The following TASP1 variants were observed in gnomAD, a reference collection of about 807,000 sequenced individuals.
TASP1 encodes taspase 1.
Under a neutral mutation model 56.6 loss-of-function variants are expected in TASP1, and 16 were observed. The ratio of observed to expected loss-of-function variants is 0.28; its 90% confidence interval spans 0.19 to 0.43. The LOEUF is 0.43. Among genes scored for constraint, TASP1 ranks in the 20% least tolerant of loss-of-function variants. The pLI is 1.00. For missense variants in TASP1, 393 were observed against 511.6 expected (o/e 0.77, Z 2.24); for synonymous variants, 179 against 184.2 (o/e 0.97, Z 0.23).
At chr20:13,556,783 T>C (rs2046173524) in intron 8 of TASP1, among the ~76,000 whole-genome samples, 1 of 152,336 alleles carries the variant, frequency 6.6e-6, no homozygotes, top group Non-Finnish European at 1.5e-5. Flanking sequence ...AGATGTCACC[T>C]CAAATGTTAT....
At chr20:13,619,750 C>G (rs886177720) in intron 4 of TASP1, among the ~76,000 whole-genome samples, 10 of 152,312 alleles carry the variant, frequency 6.6e-5, no homozygotes, top group African/African-American at 2.4e-4. Context: ...TATTAATCTT[C>G]TCTGCTGTGA....
At chr20:13,384,503 A>G (rs980919037), downstream of TASP1, among the ~76,000 whole-genome samples, 11 of 149,528 alleles carry the variant, frequency 7.4e-5, no homozygotes, top group African/African-American at 2.0e-4. Context: ...AGCATGGGGG[A>G]AAAAAAAAAG....
chr20:13,469,279 G>A (rs1315271302), intron 11 of TASP1, among the ~76,000 whole-genome samples: 1 of 152,110 alleles, frequency 6.6e-6, no homozygotes, highest in African/African-American at 2.4e-5. Flanking sequence ...CACATCTGTG[G>A]TAGATACAAT....
At chr20:13,294,565 G>A in the TASP1 span, among the ~76,000 whole-genome samples, 3 of 152,290 alleles carry the variant, frequency 2.0e-5, no homozygotes, top group South Asian at 6.2e-4. Flanking sequence ...GGACACCAGA[G>A]CTGAGTAGAC....
the TASP1 span, among the ~76,000 whole-genome samples, chr20:13,180,109 A>G: frequency 6.6e-6 from 1 of 152,202 alleles, no homozygotes; most frequent in Non-Finnish European, 1.5e-5. Flanking sequence ...GGACCTGGAC[A>G]CTCATAAGAG....
At chr20:13,498,866 A>C (rs2043837930) in intron 10 of TASP1, among the ~76,000 whole-genome samples, 1 of 152,106 alleles carries the variant, frequency 6.6e-6, no homozygotes, top group Non-Finnish European at 1.5e-5. Context: ...GTTGGTGGGA[A>C]TATAAATTAG....
intron 8 of TASP1, 144 bp from the exon 9 acceptor site, chr20:13,534,285 A>C: frequency 3.0e-6 from 3 of 1,012,116 alleles, no homozygotes; most frequent in Non-Finnish European, 2.7e-6. Context: ...TCCTAAAATT[A>C]TCTATTATCA....
the TASP1 span, chr20:13,288,453 G>A: frequency 7.1e-7 from 1 of 1,404,216 alleles, no homozygotes; most frequent in South Asian, 1.3e-5. Flanking sequence ...GAGAAGGATA[G>A]AAGTGAATAA....
chr20:13,321,253 T>TAAAAAAAAAAAAAAAAAAAAA, the TASP1 span, among the ~76,000 whole-genome samples: 155 of 57,500 alleles, frequency 2.7e-3, 4 homozygotes, highest in Non-Finnish European at 3.9e-3. Context: ...GTGCCCCACA[T>TAAAAAAAAAAAAAAAAAAAAA]AAAAAAAAAA....
rs188566142 is a variant in TASP1, at chr20:13,558,922, G to A, written c.675+86C>T. On this transcript the variant is annotated intron_variant, in intron 8 of 13. Transcript: ENST00000337743. Reference sequence around the variant, plus strand: ...ATGTGACACACATTCTATTTCTACTGAATTGTATCGTCCTAAAGCTTGTAT... The same window carrying A: ...ATGTGACACACATTCTATTTCTACTAAATTGTATCGTCCTAAAGCTTGTAT... The A allele has an allele frequency of 1.0e-3, 812 of 775,154 alleles. 3 individuals carry two copies. Among genetic ancestry groups the A allele is most frequent in the Non-Finnish European group, 1.4e-3 (696 of 513,704 alleles). 48.0% of individuals were successfully genotyped at this position (775,154 alleles called of 1,614,324 possible).
chr20:13,185,623 T>C, the TASP1 span, among the ~76,000 whole-genome samples: 2 of 152,206 alleles, frequency 1.3e-5, no homozygotes, highest in African/African-American at 4.8e-5. Flanking sequence ...TGATTCCATG[T>C]GACTCCATTG....
chr20:13,383,501 C>G, the TASP1 span, among the ~76,000 whole-genome samples: 1 of 152,196 alleles, frequency 6.6e-6, no homozygotes, highest in Non-Finnish European at 1.5e-5. Flanking sequence ...TGAATCTGGG[C>G]TGAACCAGGT....
chr20:13,420,236 A>G (rs955461957), intron 12 of TASP1, among the ~76,000 whole-genome samples: 1 of 152,222 alleles, frequency 6.6e-6, no homozygotes, highest in Non-Finnish European at 1.5e-5. Flanking sequence ...TCTCCCTATA[A>G]ATGTAGTCTG....
the TASP1 span, among the ~76,000 whole-genome samples, chr20:13,365,614 G>T: frequency 6.6e-6 from 1 of 152,338 alleles, no homozygotes; most frequent in East Asian, 1.9e-4. Flanking sequence ...AACAAACTTG[G>T]TGTGTTGAGG....
chr20:13,255,487 G>A, the TASP1 span, among the ~76,000 whole-genome samples: 6 of 152,150 alleles, frequency 3.9e-5, no homozygotes, highest in African/African-American at 1.2e-4. Flanking sequence ...GTAATGAGGA[G>A]CAAGGAGGGA....
chr20:13,387,420 C>G (rs544449724), downstream of TASP1, among the ~76,000 whole-genome samples: 1 of 152,032 alleles, frequency 6.6e-6, no homozygotes, highest in South Asian at 2.1e-4. Context: ...AACTCCTGAC[C>G]TCAGGTGATC....
the TASP1 span, among the ~76,000 whole-genome samples, chr20:13,210,013 T>A: frequency 6.6e-6 from 1 of 152,290 alleles, no homozygotes; most frequent in East Asian, 1.9e-4. Context: ...TCTATACCCT[T>A]CCCATAAGCA....
At chr20:13,387,175 C>G (rs940371158), downstream of TASP1, among the ~76,000 whole-genome samples, 1 of 135,722 alleles carries the variant, frequency 7.4e-6, no homozygotes. Flanking sequence ...CCAGAGAGGA[C>G]ATGATTTCAT....
At chr20:13,270,683 T>G in the TASP1 span, 3 of 1,613,942 alleles carry the variant, frequency 1.9e-6, no homozygotes, top group Non-Finnish European at 1.7e-6. Context: ...TTCTCCTTGA[T>G]CTACCAAACT....
Sources: gnomAD v4.1 joint callset for allele counts (sites outside exome capture counted in the v4.1 genomes callset) on GRCh38, gnomAD v4.1.1 for gene constraint, MANE v1.5 for transcripts, NCBI Gene and HGNC (gene_info 2026-07-23, HGNC 2026-07-21) for gene names.